The following NXPE4 variants were observed in gnomAD, a reference collection of about 807,000 sequenced individuals.
NXPE4 encodes the protein NXPE family member 4.
In NXPE4, 42 loss-of-function variants were observed where a neutral mutation model predicts 33.3. The ratio of observed to expected loss-of-function variants is 1.26; its 90% confidence interval spans 0.98 to 1.63. The LOEUF (loss-of-function observed/expected upper bound fraction) is 1.63. Ranked by LOEUF, NXPE4 falls within the 40% of genes most tolerant of loss-of-function variation. The pLI is 0.00. For synonymous variants in NXPE4, 253 were observed against 234.9 expected, an observed-to-expected ratio of 1.08 and a Z score of -0.71; for missense variants, 709 against 647.6, an observed-to-expected ratio of 1.09 and a Z score of -1.03.
chr11:114,579,008 A>G (rs1207595125), intron 5 of NXPE4, among the ~76,000 whole-genome samples: 2 of 152,176 alleles, frequency 1.3e-5, no homozygotes, highest in Non-Finnish European at 1.5e-5. Flanking sequence ...TTGCATTGCT[A>G]TAAAGGAATA....
chr11:114,667,340 T>C, the NXPE4 span, among the ~76,000 whole-genome samples: 1 of 152,146 alleles, frequency 6.6e-6, no homozygotes, highest in Non-Finnish European at 1.5e-5. Flanking sequence ...TAAACAAATT[T>C]CTCCTAAAAT....
Position 114,581,624 on chromosome 11 carries a change from G to C in NXPE4, c.892+101C>G, listed in dbSNP as rs78775463. ...ACCTTAGATAAGCCAGATGAACAGA[G>C]TGCTGATAGGACTGAAACAGTGAAC... On this transcript the variant is annotated intron_variant, in intron 4 of 5. Transcript: ENST00000375478. 3,237 of 921,682 alleles carry C rather than the reference G, an allele frequency of 3.5e-3. 64 individuals are homozygous for C. In the African/African-American group the frequency reaches 0.048, roughly 14 times the overall value. The allele number at this position is 921,682 out of a possible 1,614,324, so 57.1% of individuals were successfully genotyped here.
chr11:114,611,789 A>G, the NXPE4 span, among the ~76,000 whole-genome samples: 4 of 151,882 alleles, frequency 2.6e-5, no homozygotes, highest in African/African-American at 9.7e-5. Flanking sequence ...CCGGTGGATA[A>G]TAAGTGTTGC....
chr11:114,626,168 C>T, the NXPE4 span, among the ~76,000 whole-genome samples: 3 of 152,262 alleles, frequency 2.0e-5, no homozygotes, highest in Middle Eastern at 3.4e-3. Flanking sequence ...CTGGGTGGAG[C>T]CCACCACAGC....
the NXPE4 span, among the ~76,000 whole-genome samples, chr11:114,650,193 T>G: frequency 5.9e-5 from 9 of 152,112 alleles, no homozygotes; most frequent in South Asian, 1.0e-3. Context: ...CAGGGAGAGA[T>G]AAAATACACA....
chr11:114,661,157 A>G, the NXPE4 span, among the ~76,000 whole-genome samples: 6 of 152,178 alleles, frequency 3.9e-5, no homozygotes, highest in Non-Finnish European at 7.4e-5. Flanking sequence ...GTTCAATATG[A>G]TTAGGATATT....
At chr11:114,611,338 C>G in the NXPE4 span, among the ~76,000 whole-genome samples, 1 of 150,220 alleles carries the variant, frequency 6.7e-6, no homozygotes, top group Non-Finnish European at 1.5e-5. Flanking sequence ...TAAGTATTGC[C>G]TCATGGGTAA....
At chr11:114,577,161 C>CACATAT (rs1949028713) in intron 5 of NXPE4, among the ~76,000 whole-genome samples, 1 of 134,568 alleles carries the variant, frequency 7.4e-6, no homozygotes, top group South Asian at 2.3e-4. Context: ...ATATATGTGT[C>CACATAT]ATATATATAT....
chr11:114,643,632 C>T, the NXPE4 span, among the ~76,000 whole-genome samples: 13 of 152,138 alleles, frequency 8.5e-5, no homozygotes, highest in East Asian at 3.9e-4. Context: ...GTTTTGGATA[C>T]CAGTTCCATG....
At chr11:114,668,834 C>A in the NXPE4 span, among the ~76,000 whole-genome samples, 2 of 151,996 alleles carry the variant, frequency 1.3e-5, no homozygotes, top group African/African-American at 4.8e-5. Flanking sequence ...AATAACTGGA[C>A]AAAATCATCA....
the NXPE4 span, among the ~76,000 whole-genome samples, chr11:114,638,003 G>A: frequency 6.6e-5 from 10 of 151,394 alleles, no homozygotes; most frequent in African/African-American, 1.2e-4. Flanking sequence ...GAATCTGAAC[G>A]TTGGCCTGCC....
chr11:114,607,918 T>C, the NXPE4 span, among the ~76,000 whole-genome samples: 5 of 151,932 alleles, frequency 3.3e-5, no homozygotes, highest in Admixed American at 3.3e-4. Flanking sequence ...ACCCAATGGA[T>C]AATAAGTATT....
chr11:114,639,126 C>T, the NXPE4 span, among the ~76,000 whole-genome samples: 9 of 152,174 alleles, frequency 5.9e-5, 1 homozygote, highest in Non-Finnish European at 1.0e-4. Flanking sequence ...CCACCCAGTT[C>T]GAGCTTCCCG....
At chr11:114,607,537 G>A in the NXPE4 span, among the ~76,000 whole-genome samples, 13 of 151,166 alleles carry the variant, frequency 8.6e-5, no homozygotes, top group East Asian at 2.0e-4. Context: ...ACTGTTACCC[G>A]GTAGATAATA....
the NXPE4 span, among the ~76,000 whole-genome samples, chr11:114,675,162 C>A: frequency 1.3e-5 from 2 of 151,462 alleles, no homozygotes; most frequent in Non-Finnish European, 3.0e-5. Context: ...GGATTATACT[C>A]CAACACAATA....
At chr11:114,640,120 T>C in the NXPE4 span, among the ~76,000 whole-genome samples, 1 of 124,808 alleles carries the variant, frequency 8.0e-6, no homozygotes, top group Admixed American at 9.2e-5. Flanking sequence ...TGTATTATGT[T>C]ATATGTAATA....
At chr11:114,668,616 A>G in the NXPE4 span, among the ~76,000 whole-genome samples, 6 of 152,082 alleles carry the variant, frequency 3.9e-5, no homozygotes, top group Non-Finnish European at 7.4e-5. Context: ...ACAGTATTCT[A>G]GGATCTGCTC....
the NXPE4 span, among the ~76,000 whole-genome samples, chr11:114,609,228 G>A: frequency 2.6e-4 from 40 of 151,638 alleles, no homozygotes; most frequent in Admixed American, 1.4e-3. Context: ...GTTTTGCTTC[G>A]TGGGTAACCA....
At chr11:114,615,960 T>C in the NXPE4 span, among the ~76,000 whole-genome samples, 8 of 149,098 alleles carry the variant, frequency 5.4e-5, no homozygotes, top group Non-Finnish European at 5.9e-5. Flanking sequence ...CTGTTACCCA[T>C]TGGATAATAA....
Sources: allele counts gnomAD v4.1 joint callset (sites outside exome capture counted in the v4.1 genomes callset), GRCh38; gene constraint gnomAD v4.1.1; transcripts MANE v1.5; gene names NCBI Gene and HGNC (gene_info 2026-07-23, HGNC 2026-07-21).